The following POTEE variants were observed in gnomAD, a reference collection of about 807,000 sequenced individuals.
POTEE encodes POTE ankyrin domain family member E.
A neutral mutation model predicts 74.2 loss-of-function variants in POTEE; 21 were observed. That is an observed-to-expected ratio of 0.28 (90% CI 0.20 to 0.41). The LOEUF is 0.41. POTEE is among the 10% of genes least tolerant of loss of function. The pLI is 1.00. For missense variants in POTEE, 525 were observed against 1,158.6 expected (o/e 0.45, Z 7.94); for synonymous variants, 211 against 432.8 (o/e 0.49, Z 6.36).
intron 16 of POTEE, among the ~76,000 whole-genome samples, chr2:131,257,034 A>G (rs1266145668): frequency 1.4e-5 from 2 of 145,310 alleles, no homozygotes; most frequent in Non-Finnish European, 3.0e-5. Context: ...TGTACAAATA[A>G]AAGTTTCTTT....
chr2:131,222,250 C>G lies in POTEE; in HGVS notation c.522-1346C>G, dbSNP rs554640484. On this transcript the variant is annotated intron_variant, in intron 4 of 17. Transcript: ENST00000683005. ...CATAAAAGAAGGAACGAGAGCATGT[C>G]CTTTGCAGGGACATGGATGGTGTTG... 5.3e-3 allele frequency among the ~76,000 whole-genome samples: 807 copies of G among 152,008 alleles called. 1 individual carries two copies. The highest frequency in any genetic ancestry group is 0.018 in the African/African-American group (738 of 41,308).
At chr2:131,212,628 G>A (rs1340057919) in intron 2 of POTEE, among the ~76,000 whole-genome samples, 5 of 138,454 alleles carry the variant, frequency 3.6e-5, no homozygotes, top group East Asian at 2.1e-4. Flanking sequence ...GCAATGGGGC[G>A]ATCTCGGCTC....
At position 131,211,540 on chromosome 2, in the gene POTEE, GGCT is replaced by G. The variant is rs1700358119; in HGVS notation, c.-189+358_-189+360del. Among the ~76,000 whole-genome samples, 6 of 65,472 alleles carry G rather than the reference GGCT, an allele frequency of 9.2e-5. No individual in the cohort carries two copies. In the Admixed American group the frequency reaches 9.4e-4, roughly 10 times the overall value. 43.0% of individuals were successfully genotyped at this position (65,472 alleles called of 152,430 possible). On this transcript the variant is annotated intron_variant, in intron 2 of 17. Coordinates refer to ENST00000683005, the MANE Select transcript of POTEE (RefSeq NM_001083538.3). ...GGTGACTGTGTGTGTGTGTGTGTGTGGCTTTTTTTTTTTTTTTTTTTTTTTTTT... is the reference window on the plus strand; with the variant it reads ...GGTGACTGTGTGTGTGTGTGTGTGTGTTTTTTTTTTTTTTTTTTTTTTTTT...
At chr2:131,217,154 C>CA (rs1165161245) in intron 2 of POTEE, among the ~76,000 whole-genome samples, 2 of 139,248 alleles carry the variant, frequency 1.4e-5, no homozygotes, top group East Asian at 4.2e-4. Flanking sequence ...ATTTTATTTC[C>CA]TAGGGTTTTG....
chr2:131,257,335 G>A (rs1248920878), intron 16 of POTEE, among the ~76,000 whole-genome samples: 1 of 4,336 alleles, frequency 2.3e-4, no homozygotes, highest in Non-Finnish European at 5.3e-4. Flanking sequence ...AGTTTATCCC[G>A]GGTATATTGT....
intron 12 of POTEE, among the ~76,000 whole-genome samples, chr2:131,243,071 AC>A (rs1248450059): frequency 1.5e-4 from 19 of 124,480 alleles, no homozygotes; most frequent in Non-Finnish European, 2.9e-4. Context: ...ACCGTGTACT[AC>A]CCAGACGCAT....
chr2:131,225,582 T>C (rs1419625538), intron 6 of POTEE, among the ~76,000 whole-genome samples: 67 of 151,512 alleles, frequency 4.4e-4, no homozygotes, highest in Non-Finnish European at 8.7e-4. Context: ...TTTTTTTTTT[T>C]TTGAGATGGG....
At chr2:131,256,928 G>T (rs879586635) in intron 16 of POTEE, among the ~76,000 whole-genome samples, 396 of 152,186 alleles carry the variant, frequency 2.6e-3, no homozygotes, top group Middle Eastern at 6.8e-3. Context: ...TTGAGGGAAG[G>T]TTCAATGAAA....
chr2:131,217,769 GC>G, intron 3 of POTEE, among the ~76,000 whole-genome samples, 86 bp downstream of exon 3: 2 of 147,226 alleles, frequency 1.4e-5, no homozygotes, highest in Non-Finnish European at 3.0e-5. Flanking sequence ...CGCCGCACGC[GC>G]ACGCCGCACG....
intron 1 of POTEE, among the ~76,000 whole-genome samples, 134 bp downstream of exon 1, chr2:131,209,953 G>C (rs1442026026): frequency 2.1e-5 from 3 of 146,300 alleles, no homozygotes; most frequent in Non-Finnish European, 4.5e-5. Context: ...CATTGCTGGC[G>C]GTGGAGGGGG....
At chr2:131,228,130 T>G in intron 7 of POTEE, 114 bp from the exon 8 acceptor site, 4 of 1,488,550 alleles carry the variant, frequency 2.7e-6, no homozygotes, top group Non-Finnish European at 3.6e-6. Flanking sequence ...CTTATGTCTT[T>G]TAGTGCATGT....
intron 14 of POTEE, among the ~76,000 whole-genome samples, chr2:131,251,263 GAA>G (rs1482254334): frequency 1.3e-4 from 4 of 31,988 alleles, no homozygotes; most frequent in Non-Finnish European, 2.8e-4. Flanking sequence ...GACTCCATGT[GAA>G]AAAAAAAAAA....
At chr2:131,233,782 A>G (rs1170762149) in intron 9 of POTEE, among the ~76,000 whole-genome samples, 1 of 150,640 alleles carries the variant, frequency 6.6e-6, no homozygotes, top group Non-Finnish European at 1.5e-5. Flanking sequence ...AATATGATTT[A>G]GTGATAATTG....
chr2:131,237,351 T>G lies in POTEE; in HGVS notation c.1197+549T>G, dbSNP rs1311196349. The stretch of plus-strand genomic sequence containing the variant: ...GTCACTGTGATACCAAGGTTAAAAA[T>G]ATATTCTGCCTTATGGTCTCTCGTT... On this transcript the variant is annotated intron_variant, in intron 10 of 17. Coordinates refer to ENST00000683005, the MANE Select transcript of POTEE (RefSeq NM_001083538.3). Among the ~76,000 whole-genome samples the G allele has an allele frequency of 2.0e-5, 3 of 152,182 alleles. No individual in the cohort carries two copies. In the East Asian group the frequency reaches 5.8e-4, roughly 29 times the overall value.
intron 8 of POTEE, among the ~76,000 whole-genome samples, chr2:131,228,919 C>T (rs906670256): frequency 7.6e-5 from 11 of 145,134 alleles, no homozygotes; most frequent in Non-Finnish European, 5.9e-5. Context: ...TCAAACTGGT[C>T]CTGCTGCCTT....
Position 131,218,699 on chromosome 2 carries a change from G to C in POTEE, c.297G>C (p.Gly99=), listed in dbSNP as rs9973941. ...SAMKTLRNKM[G]KWCCHCFPCC... is the part of the protein sequence containing the mutation. ...TGAAGACACTCAGGAACAAGATGGG[G>C]AAGTGGTGCTGCCACTGCTTCCCCT... The change falls in exon 4 of 18, where the codon GGG becomes GGC. Residue 99 remains glycine, a synonymous_variant. Coordinates refer to ENST00000683005, the MANE Select transcript of POTEE (RefSeq NM_001083538.3). The C allele has an allele frequency of 0.87, 1,323,337 of 1,519,264 alleles. 582,829 individuals carry two copies. The highest frequency in any genetic ancestry group is 0.92 in the Admixed American group (54,151 of 59,064). 94.1% of individuals were successfully genotyped at this position (1,519,264 alleles called of 1,614,324 possible).
chr2:131,237,637 A>C (rs1309921704), intron 10 of POTEE, among the ~76,000 whole-genome samples: 1 of 151,702 alleles, frequency 6.6e-6, no homozygotes, highest in East Asian at 1.9e-4. Context: ...ACAGTATATA[A>C]TCTCAATTAA....
rs1700314016 is a variant in POTEE, at chr2:131,209,689, A to G, written c.-475A>G. On this transcript the variant is annotated 5_prime_UTR_variant, in exon 1 of 18. Coordinates refer to ENST00000683005, the MANE Select transcript of POTEE (RefSeq NM_001083538.3). Reference sequence around the variant, plus strand: ...GGAGCTTCTCCTGCCAGGCAGGAAGACGAGTAGAAGGGAGCAGCACCGACG... The same window carrying G: ...GGAGCTTCTCCTGCCAGGCAGGAAGGCGAGTAGAAGGGAGCAGCACCGACG... Among the ~76,000 whole-genome samples the G allele has an allele frequency of 1.3e-5, 2 of 152,394 alleles. No homozygotes were observed. Among genetic ancestry groups the G allele is most frequent in the Non-Finnish European group, 2.9e-5 (2 of 68,042 alleles).
chr2:131,216,999 G>A (rs1201825918), intron 2 of POTEE, among the ~76,000 whole-genome samples: 2 of 152,352 alleles, frequency 1.3e-5, no homozygotes, highest in Non-Finnish European at 2.9e-5. Flanking sequence ...TTCTAAAATC[G>A]TGGTGATTGT....
Sources: gnomAD v4.1 joint callset for allele counts (sites outside exome capture counted in the v4.1 genomes callset) on GRCh38, gnomAD v4.1.1 for gene constraint, MANE v1.5 for transcripts, NCBI Gene and HGNC (gene_info 2026-07-23, HGNC 2026-07-21) for gene names.